Variants in TTC6 observed in about 807,000 individuals in gnomAD.
TTC6 encodes the protein tetratricopeptide repeat protein 6.
TTC6 carries 172 observed loss-of-function variants against 210.4 expected under a neutral mutation model. The observed-to-expected ratio is 0.82, with a 90% CI of 0.72 to 0.93. The LOEUF (loss-of-function observed/expected upper bound fraction) is 0.93. Ranked by LOEUF, TTC6 falls within the 40% of genes least tolerant of loss-of-function variation. TTC6 has a pLI of 0.00. For missense variants in TTC6, 2,414 were observed against 2,318.1 expected (o/e 1.04, Z -0.85); for synonymous variants, 804 against 819.6 (o/e 0.98, Z 0.32).
chr14:37,820,752 A>G (rs2096153499), intron 26 of TTC6, among the ~76,000 whole-genome samples: 1 of 152,158 alleles, frequency 6.6e-6, no homozygotes, highest in Non-Finnish European at 1.5e-5. Flanking sequence ...TACTAAACAC[A>G]ACAAAACCTG....
At chr14:37,708,852 G>A (rs1228816137) in intron 5 of TTC6, among the ~76,000 whole-genome samples, 1 of 151,996 alleles carries the variant, frequency 6.6e-6, no homozygotes, top group Admixed American at 6.6e-5. Context: ...ATGTGGCCTT[G>A]GTCATTGTGG....
intron 24 of TTC6, among the ~76,000 whole-genome samples, chr14:37,809,710 T>C (rs916370364): frequency 6.6e-6 from 1 of 152,188 alleles, no homozygotes; most frequent in Non-Finnish European, 1.5e-5. Flanking sequence ...GCCTGTGGGC[T>C]GCAGCAAACC....
intron 1 of TTC6, among the ~76,000 whole-genome samples, chr14:37,639,638 A>T (rs973715614): frequency 1.3e-5 from 2 of 150,190 alleles, no homozygotes; most frequent in African/African-American, 2.5e-5. Context: ...TGGGAGGCCG[A>T]GGAGGGAGGA....
intron 14 of TTC6, among the ~76,000 whole-genome samples, chr14:37,773,575 G>A (rs2096027538): frequency 6.6e-6 from 1 of 152,004 alleles, no homozygotes; most frequent in Non-Finnish European, 1.5e-5. Context: ...GTAGGTGTGT[G>A]GTATTATTTC....
chr14:37,796,936 A>G (rs1473972553), exon 20 of TTC6: 1 of 1,598,732 alleles, frequency 6.3e-7, no homozygotes, highest in East Asian at 2.2e-5. Flanking sequence ...AATGAAGGCC[A>G]AGAGAACCAA....
chr14:37,727,367 C>G (rs1003984192), intron 7 of TTC6, among the ~76,000 whole-genome samples: 1 of 139,418 alleles, frequency 7.2e-6, no homozygotes, highest in Non-Finnish European at 1.5e-5. Flanking sequence ...GATCTTGGCT[C>G]ACTGCAACCT....
chr14:37,603,306 T>C (rs1206866032), intron 1 of TTC6, among the ~76,000 whole-genome samples: 1 of 152,150 alleles, frequency 6.6e-6, no homozygotes, highest in African/African-American at 2.4e-5. Context: ...ATTCTGGCAA[T>C]CGTCAGTTGT....
chr14:37,795,195 G>A (rs922749175), intron 17 of TTC6, 75 bp from the exon 20 acceptor site: 1 of 995,466 alleles, frequency 1.0e-6, no homozygotes, highest in African/African-American at 1.6e-5. Context: ...CTGTAGAAAG[G>A]GTGGGAGAGG....
chr14:37,632,956 A>G (rs551555817), intron 1 of TTC6, among the ~76,000 whole-genome samples: 52 of 152,220 alleles, frequency 3.4e-4, no homozygotes, highest in Non-Finnish European at 3.1e-4. Flanking sequence ...AGGGCAGACA[A>G]CGCCCCCTCC....
intron 1 of TTC6, among the ~76,000 whole-genome samples, chr14:37,651,896 C>T (rs1220235133): frequency 6.6e-6 from 1 of 152,142 alleles, no homozygotes; most frequent in Non-Finnish European, 1.5e-5. Flanking sequence ...CAGTGGTCAA[C>T]ATGTGGCCAT....
chr14:37,757,565 G>A (rs563338835), intron 14 of TTC6, among the ~76,000 whole-genome samples: 2 of 152,074 alleles, frequency 1.3e-5, no homozygotes, highest in East Asian at 3.9e-4. Flanking sequence ...GAGCCACTGC[G>A]CCTGGCCTTC....
At position 37,792,245 on chromosome 14, in the gene TTC6, C is replaced by G; in HGVS notation, c.3558-19C>G. 1 of 1,484,692 alleles carries G rather than the reference C, an allele frequency of 6.7e-7. No homozygotes were observed. 92.0% of individuals were successfully genotyped at this position (1,484,692 alleles called of 1,614,324 possible). On this transcript the variant is annotated intron_variant, in intron 16 of 30. Transcript: ENST00000553443. ...ATTAAAAATGTTTAACAAGATTTCA[C>G]TTTCTCATTTTTTTTTAGAACTATT...
intron 1 of TTC6, among the ~76,000 whole-genome samples, chr14:37,667,148 G>A (rs1187279422): frequency 6.7e-6 from 1 of 149,484 alleles, no homozygotes; most frequent in Non-Finnish European, 1.5e-5. Context: ...AAATATCACG[G>A]GCCCTAGGCA....
intron 29 of TTC6, among the ~76,000 whole-genome samples, chr14:37,833,898 C>T (rs2096191843): frequency 6.6e-6 from 1 of 152,128 alleles, no homozygotes; most frequent in Non-Finnish European, 1.5e-5. Context: ...TTTCCTCAGT[C>T]TTTGTTTGTC....
At chr14:37,728,129 A>G (rs550952574) in intron 7 of TTC6, among the ~76,000 whole-genome samples, 1 of 151,968 alleles carries the variant, frequency 6.6e-6, no homozygotes, top group Non-Finnish European at 1.5e-5. Flanking sequence ...ATGAGAGACT[A>G]TATGGTGCAT....
exon 1 of TTC6, chr14:37,622,792 C>T (rs542466797): frequency 3.9e-6 from 6 of 1,534,400 alleles, no homozygotes; most frequent in Admixed American, 3.9e-5. Context: ...CGGGAAGCGG[C>T]GGGGTTAGGA....
intron 12 of TTC6, among the ~76,000 whole-genome samples, chr14:37,750,764 T>A (rs1309124914): frequency 1.3e-5 from 2 of 151,950 alleles, no homozygotes; most frequent in African/African-American, 2.4e-5. Context: ...GTGGCATGCA[T>A]CTGTAGTCCC....
At chr14:37,698,069 A>G (rs1165605560) in intron 4 of TTC6, among the ~76,000 whole-genome samples, 1 of 152,206 alleles carries the variant, frequency 6.6e-6, no homozygotes, top group African/African-American at 2.4e-5. Context: ...TCATTAAAAC[A>G]AAAATTAGAA....
upstream of TTC6, among the ~76,000 whole-genome samples, chr14:37,620,805 T>C (rs941608561): frequency 6.6e-6 from 1 of 152,238 alleles, no homozygotes; most frequent in Admixed American, 6.5e-5. Flanking sequence ...GGAGCTTTCA[T>C]TGCTCCCATT....
Sources: allele counts gnomAD v4.1 joint callset (sites outside exome capture counted in the v4.1 genomes callset), GRCh38; gene constraint gnomAD v4.1.1; transcripts MANE v1.5; gene names NCBI Gene and HGNC (gene_info 2026-07-23, HGNC 2026-07-21).